Variants in PCDHB6 observed in about 807,000 individuals in gnomAD.
PCDHB6 encodes the protein protocadherin beta-6.
For synonymous variants in PCDHB6, 506 were observed against 459.0 expected (o/e 1.10, Z -1.31); for missense variants, 1,137 against 1,010.1 (o/e 1.13, Z -1.70).
In PCDHB6 at chr5:141,150,081, A is replaced by G. The variant is rs781826754; in HGVS notation, c.-177A>G. On this transcript the variant is annotated 5_prime_UTR_variant, in exon 1 of 1. Coordinates refer to ENST00000231136, the MANE Select transcript of PCDHB6 (RefSeq NM_018939.4). ...CGTTTCATCCAGAAGCCAAGTAAAA[A>G]TACAGACCACGTTTACAGCTAAAGC... 3.4e-6 allele frequency: 2 copies of G among 584,584 alleles called. No individual in the cohort carries two copies. Among genetic ancestry groups the G allele is most frequent in the Non-Finnish European group, 6.0e-6 (2 of 334,404 alleles). The allele number at this position is 584,584 out of a possible 1,614,324, so 36.2% of individuals were successfully genotyped here.
Position 141,150,996 on chromosome 5 carries a change from G to A in PCDHB6, c.739G>A (p.Glu247Lys). 3 of 1,614,176 alleles carry A rather than the reference G, an allele frequency of 1.9e-6. No individual in the cohort carries two copies. The highest frequency in any genetic ancestry group is 2.5e-6 in the Non-Finnish European group (3 of 1,180,032). ...CCCCGAGTTTGCTCAGGAGCTCTAT[G>A]AAGCACAAGTCCCTGAGAACAACCC... ...NVPEFAQELY[E>K]AQVPENNPLG... Residue 247 changes from glutamate to lysine, a missense_variant, in exon 1 of 1, where the codon GAA (glutamate) becomes AAA (lysine). Coordinates refer to ENST00000231136, the MANE Select transcript of PCDHB6 (RefSeq NM_018939.4).
chr5:141,152,503 A>T lies in PCDHB6; in HGVS notation c.2246A>T (p.Tyr749Phe). The T allele has an allele frequency of 1.9e-6, 3 of 1,614,078 alleles. No individual in the cohort carries two copies. Among genetic ancestry groups the T allele is most frequent in the Non-Finnish European group, 2.5e-6 (3 of 1,180,026 alleles). The change falls in exon 1 of 1, where the codon TAC becomes TTC. Residue 749 changes from tyrosine to phenylalanine, a missense_variant. Physicochemically the swap from Tyr to Phe is conservative, Grantham distance 22. Transcript: ENST00000231136. ...GTGTLSQSYQ[Y>F]KVCLTGGSET... is the part of the protein sequence containing the mutation. ...GGGACCCTATCCCAGAGCTACCAGT[A>T]CAAGGTGTGTCTGACGGGAGGCTCA...
Position 141,152,252 on chromosome 5 carries a change from C to T in PCDHB6, c.1995C>T (p.Ser665=), listed in dbSNP as rs782504088. The T allele has an allele frequency of 5.0e-6, 8 of 1,607,622 alleles. No individual in the cohort carries two copies. The highest frequency in any genetic ancestry group is 3.3e-5 in the South Asian group (3 of 90,992). The part of the protein sequence containing the change: ...TLHVLLVDGF[S]QPYLPLPEAA... ...ACGTGCTCCTGGTGGACGGCTTCTCCCAGCCCTACCTGCCTCTCCCTGAGG... is the reference window on the plus strand; with the variant it reads ...ACGTGCTCCTGGTGGACGGCTTCTCTCAGCCCTACCTGCCTCTCCCTGAGG... The change falls in exon 1 of 1, where the codon TCC becomes TCT. Residue 665 remains serine, a synonymous_variant. Coordinates refer to ENST00000231136, the MANE Select transcript of PCDHB6 (RefSeq NM_018939.4).
rs370830645 is a variant in PCDHB6 at position 141,151,512 on chromosome 5, A to G, written c.1255A>G (p.Ile419Val). ...RESRAEYNIT[I>V]TVTDLGTPRL... ...GAGCAGAGCCGAGTACAACATCACT[A>G]TCACGGTCACTGATTTGGGGACACC... The change falls in exon 1 of 1, where the codon ATC becomes GTC. Residue 419 changes from isoleucine (I) to valine (V), a missense_variant. By Grantham distance (29) the Ile-to-Val change is conservative (BLOSUM62 3). Transcript: ENST00000231136. The G allele has an allele frequency of 1.2e-6, 2 of 1,614,188 alleles. No individual in the cohort carries two copies. Among genetic ancestry groups the G allele is most frequent in the Non-Finnish European group, 1.7e-6 (2 of 1,180,040 alleles).
Position 141,151,032 on chromosome 5 carries a change from C to T in PCDHB6, c.775C>T (p.Leu259=). ...QVPENNPLGS[L]VITVSARDLD... ...CCCTGAGAACAACCCCCTCGGCTCT[C>T]TGGTTATTACCGTCTCAGCCAGAGA... The change falls in exon 1 of 1, where the codon CTG becomes TTG. Residue 259 remains leucine (L), a synonymous_variant. Coordinates refer to ENST00000231136, the MANE Select transcript of PCDHB6 (RefSeq NM_018939.4). 1 of 1,614,226 alleles carries T rather than the reference C, an allele frequency of 6.2e-7. No individual in the cohort carries two copies. Among genetic ancestry groups the T allele is most frequent in the Non-Finnish European group, 8.5e-7 (1 of 1,180,046 alleles).
In PCDHB6 at chr5:141,152,019, G is replaced by T; in HGVS notation, c.1762G>T (p.Val588Leu). ...AEPGYLVTKV[V>L]AVDGDSGQNA... is the part of the protein sequence containing the mutation. ...GCCGGGCTACCTGGTGACCAAGGTG[G>T]TGGCGGTGGACGGCGACTCGGGCCA... Residue 588 changes from valine to leucine, a missense_variant, in exon 1 of 1, where the codon GTG becomes TTG. Physicochemically the swap from Val to Leu is conservative, Grantham distance 32. Coordinates refer to ENST00000231136, the MANE Select transcript of PCDHB6 (RefSeq NM_018939.4). 9 of 1,608,552 alleles carry T rather than the reference G, an allele frequency of 5.6e-6. No individual in the cohort carries two copies. Among genetic ancestry groups the T allele is most frequent in the Non-Finnish European group, 7.6e-6 (9 of 1,179,366 alleles).
chr5:141,152,086 T>C lies in PCDHB6; in HGVS notation c.1829T>C (p.Leu610Pro), dbSNP rs246704. The C allele has an allele frequency of 0.025, 40,046 of 1,606,086 alleles. 2,611 individuals are homozygous for C. The highest frequency in any genetic ancestry group is 0.24 in the African/African-American group (17,666 of 74,728). ...TACCAGCTGCTCAAGGCCACGGAGC[T>C]CGGTCTGTTCGGCGTGTGGGCGCAC... Reference protein sequence around the residue: ...LSYQLLKATELGLFGVWAHNG... With the variant: ...LSYQLLKATEPGLFGVWAHNG... Residue 610 changes from leucine to proline, a missense_variant, in exon 1 of 1, where the codon CTC becomes CCC. By Grantham distance (98) the Leu-to-Pro change is moderately conservative (BLOSUM62 -3). Coordinates refer to ENST00000231136, the MANE Select transcript of PCDHB6 (RefSeq NM_018939.4).
rs1348740599 is a variant in PCDHB6 at position 141,151,259 on chromosome 5, G to C, written c.1002G>C (p.Arg334Ser). The C allele has an allele frequency of 4.3e-6, 7 of 1,613,998 alleles. No homozygotes were observed. Among genetic ancestry groups the C allele is most frequent in the Non-Finnish European group, 5.9e-6 (7 of 1,180,036 alleles). ...CAGGAAAATGCTCTTTAGTCGTCAG[G>C]GTCCTGGACGTGAATGACAATGCCC... The part of the protein sequence containing the change: ...GLSGKCSLVV[R>S]VLDVNDNAPE... The change falls in exon 1 of 1, where the codon AGG (arginine) becomes AGC (serine). Residue 334 changes from arginine (R) to serine (S), a missense_variant. Coordinates refer to ENST00000231136, the MANE Select transcript of PCDHB6 (RefSeq NM_018939.4).
At position 141,151,406 on chromosome 5, in the gene PCDHB6, A is replaced by T. The variant is rs1554277684; in HGVS notation, c.1149A>T (p.Ile383=). 1 of 1,614,192 alleles carries T rather than the reference A, an allele frequency of 6.2e-7. No homozygotes were observed. The highest frequency in any genetic ancestry group is 8.5e-7 in the Non-Finnish European group (1 of 1,180,040). Residue 383 remains isoleucine (I), a synonymous_variant, in exon 1 of 1, where the codon ATA becomes ATT. Coordinates refer to ENST00000231136, the MANE Select transcript of PCDHB6 (RefSeq NM_018939.4). ...SGHNQQVICS[I]ENNLPFLLRP... ...ATAACCAACAGGTTATTTGTTCAATAGAGAACAATCTCCCCTTTCTACTAA... is the reference window on the plus strand; with the variant it reads ...ATAACCAACAGGTTATTTGTTCAATTGAGAACAATCTCCCCTTTCTACTAA...
rs1399030579 is a variant in PCDHB6 at position 141,153,257 on chromosome 5, T to C, written c.*615T>C. 1 of 165,268 alleles carries C rather than the reference T, an allele frequency of 6.1e-6. No homozygotes were observed. The highest frequency in any genetic ancestry group is 1.5e-5 in the Non-Finnish European group (1 of 68,102). The allele number at this position is 165,268 out of a possible 1,614,324, so 10.2% of individuals were successfully genotyped here. ...AAAAAAAAGTCGTGCCAATTATAAG[T>C]GCTTAATAAATATTTGCTGAATGTT... On this transcript the variant is annotated 3_prime_UTR_variant, in exon 1 of 1. Transcript: ENST00000231136.
Position 141,152,004 on chromosome 5 carries a change from C to G in PCDHB6, c.1747C>G (p.Leu583Val), listed in dbSNP as rs1752888747. 6.2e-7 allele frequency: 1 copy of G among 1,609,436 alleles called. No homozygotes were observed. The highest frequency in any genetic ancestry group is 8.5e-7 in the Non-Finnish European group (1 of 1,179,538). The change falls in exon 1 of 1, where the codon CTG (leucine) becomes GTG (valine). Residue 583 changes from leucine (L) to valine (V), a missense_variant. Transcript: ENST00000231136. ...GCCCCGGGCGGCCGAGCCGGGCTAC[C>G]TGGTGACCAAGGTGGTGGCGGTGGA... Reference protein sequence around the residue: ...LVPRAAEPGYLVTKVVAVDGD... With the variant: ...LVPRAAEPGYVVTKVVAVDGD...
In PCDHB6 at chr5:141,151,346, G is replaced by A; in HGVS notation, c.1089G>A (p.Val363=). 1.2e-6 allele frequency: 2 copies of A among 1,614,086 alleles called. No individual in the cohort carries two copies. The highest frequency in any genetic ancestry group is 8.5e-7 in the Non-Finnish European group (1 of 1,180,018). ...CAGAAAACTTACCAGAGATCACAGT[G>A]GCAGTTTTCAGTGTTTCAGATGCAG... ...LIPENLPEIT[V]AVFSVSDADS... Residue 363 remains valine (V), a synonymous_variant, in exon 1 of 1, where the codon GTG becomes GTA. Coordinates refer to ENST00000231136, the MANE Select transcript of PCDHB6 (RefSeq NM_018939.4).
rs782112984 is a variant in PCDHB6 at position 141,151,734 on chromosome 5, G to T, written c.1477G>T (p.Asp493Tyr). ...QVTYSLLPPQ[D>Y]PHLPLSSLVS... ...CACCTACTCGCTGCTGCCGCCCCAGGACCCGCACCTGCCCCTCTCTTCCCT... is the reference window on the plus strand; with the variant it reads ...CACCTACTCGCTGCTGCCGCCCCAGTACCCGCACCTGCCCCTCTCTTCCCT... Residue 493 changes from aspartate (D) to tyrosine (Y), a missense_variant, in exon 1 of 1, where the codon GAC (aspartate) becomes TAC (tyrosine). By Grantham distance (160) the Asp-to-Tyr change is radical (BLOSUM62 -3). Transcript: ENST00000231136. 13 of 1,613,110 alleles carry T rather than the reference G, an allele frequency of 8.1e-6. No individual in the cohort carries two copies. The Admixed American group carries it at 1.3e-4, about 17-fold the overall frequency.
Position 141,151,474 on chromosome 5 carries a change from C to T in PCDHB6, c.1217C>T (p.Ala406Val), listed in dbSNP as rs1752861212. Reference sequence around the variant, plus strand: ...TTCTACACCCTGGTAACAGAAGGCGCGCTGGACAGAGAGAGCAGAGCCGAG... The same window carrying T: ...TTCTACACCCTGGTAACAGAAGGCGTGCTGGACAGAGAGAGCAGAGCCGAG... ...ENFYTLVTEG[A>V]LDRESRAEYN... The change falls in exon 1 of 1, where the codon GCG (alanine) becomes GTG (valine). Residue 406 changes from alanine (A) to valine (V), a missense_variant. Coordinates refer to ENST00000231136, the MANE Select transcript of PCDHB6 (RefSeq NM_018939.4). 6.2e-7 allele frequency: 1 copy of T among 1,614,192 alleles called. No homozygotes were observed. The highest frequency in any genetic ancestry group is 1.1e-5 in the South Asian group (1 of 91,084).
At position 141,150,205 on chromosome 5, in the gene PCDHB6, G is replaced by A. The variant is rs1752815957; in HGVS notation, c.-53G>A. On this transcript the variant is annotated 5_prime_UTR_variant, in exon 1 of 1. The change creates a new upstream start codon in the 5' untranslated region. Coordinates refer to ENST00000231136, the MANE Select transcript of PCDHB6 (RefSeq NM_018939.4). ...ACATCCGAGAGGGTCGACGGTAGAT[G>A]TGGTGATTGGGAGCTGAAAAGGATT... is the stretch of plus-strand genomic sequence containing the variant. 1.5e-6 allele frequency: 2 copies of A among 1,370,976 alleles called. No individual in the cohort carries two copies. The highest frequency in any genetic ancestry group is 1.0e-6 in the Non-Finnish European group (1 of 987,648). 84.9% of individuals were successfully genotyped at this position (1,370,976 alleles called of 1,614,324 possible). A position where few individuals can be genotyped will look rare whatever the true frequency, so the allele number is the denominator to read the frequency against.
At position 141,152,471 on chromosome 5, in the gene PCDHB6, C is replaced by T. The variant is rs1361911269; in HGVS notation, c.2214C>T (p.Ser738=). The change falls in exon 1 of 1, where the codon AGC becomes AGT. Residue 738 remains serine, a synonymous_variant. Coordinates refer to ENST00000231136, the MANE Select transcript of PCDHB6 (RefSeq NM_018939.4). The part of the protein sequence containing the change: ...GPFPGHLVDV[S]GTGTLSQSYQ... ...TTCCAGGGCATCTGGTGGATGTGAG[C>T]GGCACCGGGACCCTATCCCAGAGCT... 6.2e-7 allele frequency: 1 copy of T among 1,614,038 alleles called. No individual in the cohort carries two copies. Among genetic ancestry groups the T allele is most frequent in the African/African-American group, 1.3e-5 (1 of 74,934 alleles).
chr5:141,152,138 G>T lies in PCDHB6; in HGVS notation c.1881G>T (p.Leu627=), dbSNP rs1437735632. 1 of 1,607,702 alleles carries T rather than the reference G, an allele frequency of 6.2e-7. No individual in the cohort carries two copies. The highest frequency in any genetic ancestry group is 1.1e-5 in the South Asian group (1 of 90,988). The change falls in exon 1 of 1, where the codon CTG becomes CTT. Residue 627 remains leucine (L), a synonymous_variant. Transcript: ENST00000231136. ...ATGGCGAGGTGCGCACCGCCAGGCT[G>T]CTGAGCGAGCGAGACGCAGCCAAGC... ...AHNGEVRTAR[L]LSERDAAKHR...
Position 141,151,200 on chromosome 5 carries a change from G to T in PCDHB6, c.943G>T (p.Val315Leu), listed in dbSNP as rs1554277616. 2 of 1,614,158 alleles carry T rather than the reference G, an allele frequency of 1.2e-6. No homozygotes were observed. Among genetic ancestry groups the T allele is most frequent in the African/African-American group, 1.3e-5 (1 of 75,048 alleles). ...TTTTGAGGAAATTCAGTCTTATGAC[G>T]TGGATGTTGAGGCTACAGATGGTGG... is the stretch of plus-strand genomic sequence containing the variant. ...LDFEEIQSYD[V>L]DVEATDGGGL... The change falls in exon 1 of 1, where the codon GTG (valine) becomes TTG (leucine). Residue 315 changes from valine to leucine, a missense_variant. Val to Leu is a conservative substitution (Grantham distance 32). Coordinates refer to ENST00000231136, the MANE Select transcript of PCDHB6 (RefSeq NM_018939.4).
At position 141,153,002 on chromosome 5, in the gene PCDHB6, G is replaced by A. The variant is rs929618493; in HGVS notation, c.*360G>A. On this transcript the variant is annotated 3_prime_UTR_variant, in exon 1 of 1. Coordinates refer to ENST00000231136, the MANE Select transcript of PCDHB6 (RefSeq NM_018939.4). ...CTATGTAGGACTGTTTAAAATGTGA[G>A]TATCTGATATTATTTAATCCTCCAA... 34 of 176,128 alleles carry A rather than the reference G, an allele frequency of 1.9e-4. No homozygotes were observed. Among genetic ancestry groups the A allele is most frequent in the Non-Finnish European group, 3.9e-4 (29 of 74,818 alleles). The allele number at this position is 176,128 out of a possible 1,614,324, so 10.9% of individuals were successfully genotyped here.
Sources: allele counts gnomAD v4.1 joint callset, GRCh38; gene constraint gnomAD v4.1.1; transcripts MANE v1.5; gene names NCBI Gene and HGNC (gene_info 2026-07-23, HGNC 2026-07-21).